Variants in PAK5 observed in about 807,000 individuals in gnomAD.
The protein encoded by PAK5 is p21 (RAC1) activated kinase 5, also known as serine/threonine-protein kinase PAK 5.
Under a neutral mutation model 65.9 loss-of-function variants are expected in PAK5, and 16 were observed. That is an observed-to-expected ratio of 0.24 (90% CI 0.16 to 0.37). The LOEUF is 0.37. Among genes scored for constraint, PAK5 ranks in the 10% least tolerant of loss-of-function variants. PAK5 has a pLI of 1.00. For synonymous variants in PAK5, 371 were observed against 354.9 expected (o/e 1.05, Z -0.51); for missense variants, 785 against 903.9 (o/e 0.87, Z 1.69).
intron 3 of PAK5, among the ~76,000 whole-genome samples, chr20:9,594,984 T>C (rs991307443): frequency 6.6e-6 from 1 of 152,050 alleles, no homozygotes; most frequent in Non-Finnish European, 1.5e-5. Context: ...AATTTACTGA[T>C]ATATATAAAC....
At chr20:9,674,261 C>CA (rs2047538596) in intron 2 of PAK5, among the ~76,000 whole-genome samples, 1 of 150,464 alleles carries the variant, frequency 6.6e-6, no homozygotes, top group Non-Finnish European at 1.5e-5. Flanking sequence ...ACTCCTCACC[C>CA]TTTTTTTTTC....
chr20:9,823,387 C>CT (rs2049446205), intron 1 of PAK5, among the ~76,000 whole-genome samples: 1 of 152,132 alleles, frequency 6.6e-6, no homozygotes, highest in Non-Finnish European at 1.5e-5. Flanking sequence ...GCTGTGTCCC[C>CT]GCCCAAATCT....
chr20:9,653,168 T>C (rs1039112931), intron 2 of PAK5, among the ~76,000 whole-genome samples: 6 of 152,176 alleles, frequency 3.9e-5, no homozygotes, highest in Non-Finnish European at 8.8e-5. Context: ...CATTTCCACA[T>C]TGGCAGAATG....
chr20:9,545,419 C>T (rs2045329396), intron 7 of PAK5, among the ~76,000 whole-genome samples: 1 of 152,126 alleles, frequency 6.6e-6, no homozygotes, highest in Non-Finnish European at 1.5e-5. Context: ...CATCAAAGAG[C>T]CACTTAGAGT....
At position 9,748,793 on chromosome 20, in the gene PAK5, A is replaced by G. The variant is rs535485129; in HGVS notation, c.-161-37358T>C. On this transcript the variant is annotated intron_variant, in intron 1 of 9. Coordinates refer to ENST00000353224, the MANE Select transcript of PAK5 (RefSeq NM_177990.4). ...ATAATTATGCACTGTCTAATTCATT[A>G]GCCATTAGCCACAGTGTTATGAGCA... 1.4e-4 allele frequency among the ~76,000 whole-genome samples: 22 copies of G among 152,300 alleles called. No homozygotes were observed. The South Asian group carries it at 1.4e-3, about 10-fold the overall frequency.
At chr20:9,591,565 T>C (rs990003951) in intron 3 of PAK5, among the ~76,000 whole-genome samples, 4 of 151,282 alleles carry the variant, frequency 2.6e-5, no homozygotes, top group Admixed American at 1.3e-4. Flanking sequence ...ACTTGAAAAT[T>C]CTTTCTCTAT....
chr20:9,552,346 G>A (rs531381283), intron 7 of PAK5, among the ~76,000 whole-genome samples: 52 of 152,168 alleles, frequency 3.4e-4, no homozygotes, highest in Non-Finnish European at 7.5e-4. Flanking sequence ...TTGGCCCTAG[G>A]CCAAGGAAAG....
intron 1 of PAK5, among the ~76,000 whole-genome samples, chr20:9,826,959 G>A (rs186916700): frequency 2.2e-4 from 34 of 152,204 alleles, no homozygotes; most frequent in Non-Finnish European, 3.2e-4. Context: ...TGGGGAGGCC[G>A]GCTCTCAGCT....
At chr20:9,723,562 C>T (rs531765577) in intron 1 of PAK5, among the ~76,000 whole-genome samples, 2 of 152,274 alleles carry the variant, frequency 1.3e-5, no homozygotes, top group South Asian at 4.1e-4. Flanking sequence ...TAGGTTTAGC[C>T]ATGTGATTTG....
At chr20:9,597,525 C>G (rs1348227697) in intron 3 of PAK5, among the ~76,000 whole-genome samples, 1 of 152,228 alleles carries the variant, frequency 6.6e-6, no homozygotes, top group Non-Finnish European at 1.5e-5. Flanking sequence ...CAGAACCAAA[C>G]TCGAGTAGGT....
chr20:9,713,662 C>G (rs1378302898), intron 1 of PAK5, among the ~76,000 whole-genome samples: 1 of 152,046 alleles, frequency 6.6e-6, no homozygotes, highest in Admixed American at 6.6e-5. Flanking sequence ...TATATGTATA[C>G]AATCAAATAC....
intron 3 of PAK5, among the ~76,000 whole-genome samples, chr20:9,613,205 C>G (rs1157537591): frequency 1.3e-5 from 2 of 152,192 alleles, no homozygotes; most frequent in African/African-American, 4.8e-5. Flanking sequence ...CCATGCCATC[C>G]TAACAATAAT....
At position 9,580,322 on chromosome 20, in the gene PAK5, C is replaced by T. The variant is rs773347572; in HGVS notation, c.813G>A (p.Ser271=). The part of the protein sequence containing the change: ...LDDYDRRPKS[S]YLNQTSPQPT... ...GCTGAGGGCTTGTCTGATTCAGGTA[C>T]GAAGACTTTGGCCTCCTGTCATAGT... is the stretch of plus-strand genomic sequence containing the variant. Residue 271 remains serine (S), a synonymous_variant, in exon 4 of 10, where the codon TCG becomes TCA. Transcript: ENST00000353224. 4.3e-6 allele frequency: 7 copies of T among 1,614,082 alleles called. No homozygotes were observed. The highest frequency in any genetic ancestry group is 4.5e-5 in the East Asian group (2 of 44,858).
intron 2 of PAK5, among the ~76,000 whole-genome samples, chr20:9,689,566 G>A (rs1569041622): frequency 6.6e-6 from 1 of 152,160 alleles, no homozygotes; most frequent in Non-Finnish European, 1.5e-5. Flanking sequence ...TGCTTCAAGT[G>A]TTTAATGATT....
chr20:9,800,748 T>C (rs1412398587), intron 1 of PAK5, among the ~76,000 whole-genome samples: 1 of 151,994 alleles, frequency 6.6e-6, no homozygotes, highest in African/African-American at 2.4e-5. Flanking sequence ...ATCAACCTGC[T>C]GCCAGCCTGC....
intron 1 of PAK5, among the ~76,000 whole-genome samples, chr20:9,723,368 G>A (rs1042748555): frequency 1.3e-5 from 2 of 152,084 alleles, no homozygotes; most frequent in Admixed American, 1.3e-4. Flanking sequence ...GCATCAAGAT[G>A]GATAGGAGTT....
In PAK5 at chr20:9,623,064, C is replaced by T. The variant is rs776125335; in HGVS notation, c.204+21061G>A. 2.0e-5 allele frequency among the ~76,000 whole-genome samples: 3 copies of T among 152,260 alleles called. No homozygotes were observed. The Middle Eastern group carries it at 0.01, about 521-fold the overall frequency. Reference sequence around the variant, plus strand: ...TGTATGTATAAAATGAGTCCATCAACATCTAGGAGTTAGGGAAATAAAAGT... The same window carrying T: ...TGTATGTATAAAATGAGTCCATCAATATCTAGGAGTTAGGGAAATAAAAGT... On this transcript the variant is annotated intron_variant, in intron 3 of 9. Coordinates refer to ENST00000353224, the MANE Select transcript of PAK5 (RefSeq NM_177990.4).
At chr20:9,726,210 T>G (rs1218130892) in intron 1 of PAK5, among the ~76,000 whole-genome samples, 1 of 152,140 alleles carries the variant, frequency 6.6e-6, no homozygotes, top group Non-Finnish European at 1.5e-5. Flanking sequence ...TCTAAACAAA[T>G]TCTCACCTAA....
chr20:9,583,308 G>A (rs2046012101), intron 3 of PAK5, among the ~76,000 whole-genome samples: 1 of 152,130 alleles, frequency 6.6e-6, no homozygotes, highest in Non-Finnish European at 1.5e-5. Flanking sequence ...CTCTGCAACA[G>A]TAAAAAACAT....
Sources: allele counts gnomAD v4.1 joint callset (sites outside exome capture counted in the v4.1 genomes callset), GRCh38; gene constraint gnomAD v4.1.1; transcripts MANE v1.5; gene names NCBI Gene and HGNC (gene_info 2026-07-23, HGNC 2026-07-21).